Variants in DDX10 observed in about 807,000 individuals in gnomAD.
DDX10 encodes the protein DEAD-box helicase 10.
In DDX10, 74 loss-of-function variants were observed where a neutral mutation model predicts 104.3. The observed-to-expected ratio is 0.71, with a 90% CI of 0.59 to 0.86. The LOEUF is 0.86. Among genes scored for constraint, DDX10 ranks in the 40% least tolerant of loss-of-function variants. The probability of loss-of-function intolerance (pLI) is 0.00; values close to 1 mark genes in which losing one functional copy is unlikely to be tolerated. For missense variants in DDX10, 952 were observed against 1,040.0 expected (o/e 0.92, Z 1.16); for synonymous variants, 351 against 353.4 (o/e 0.99, Z 0.08).
intron 13 of DDX10, among the ~76,000 whole-genome samples, chr11:108,801,354 C>T (rs1862018094): frequency 6.6e-6 from 1 of 152,162 alleles, no homozygotes. Flanking sequence ...TTCTCCCCTC[C>T]TTAATGCTTG....
intron 10 of DDX10, among the ~76,000 whole-genome samples, chr11:108,710,203 A>G (rs2094282255): frequency 6.6e-6 from 1 of 152,140 alleles, no homozygotes; most frequent in Admixed American, 6.5e-5. Context: ...GAATGTGAAG[A>G]GTTAGCACAT....
intron 16 of DDX10, among the ~76,000 whole-genome samples, chr11:108,882,710 G>A (rs1214792235): frequency 6.6e-6 from 1 of 152,144 alleles, no homozygotes; most frequent in Non-Finnish European, 1.5e-5. Context: ...TCTTGTCTGT[G>A]TTAACTTTTG....
intron 10 of DDX10, among the ~76,000 whole-genome samples, chr11:108,710,723 T>C (rs1294043141): frequency 6.6e-6 from 1 of 152,208 alleles, no homozygotes. Flanking sequence ...TTATGTACCA[T>C]ACCTAACTGT....
At chr11:108,934,464 G>A (rs11821174) in intron 17 of DDX10, among the ~76,000 whole-genome samples, 2,912 of 152,262 alleles carry the variant, frequency 0.019, 99 homozygotes, top group African/African-American at 0.067. Flanking sequence ...TTAGCATTGT[G>A]GAAGATTGTG....
chr11:108,861,572 A>C (rs991002236), intron 16 of DDX10, among the ~76,000 whole-genome samples: 1 of 152,252 alleles, frequency 6.6e-6, no homozygotes, highest in Non-Finnish European at 1.5e-5. Context: ...CTCTATTTAC[A>C]TAAAGGTTTT....
chr11:108,937,968 A>G (rs1864057266), intron 17 of DDX10, among the ~76,000 whole-genome samples: 2 of 152,220 alleles, frequency 1.3e-5, no homozygotes, highest in Admixed American at 1.3e-4. Flanking sequence ...AAGTGCTGAC[A>G]CGAAGATAAA....
At chr11:108,878,250 G>T (rs1863178616) in intron 16 of DDX10, among the ~76,000 whole-genome samples, 1 of 152,162 alleles carries the variant, frequency 6.6e-6, no homozygotes, top group Admixed American at 6.5e-5. Context: ...GTTTGTTCAT[G>T]TGTTTCTCCC....
At chr11:108,871,203 C>A (rs936389727) in intron 16 of DDX10, among the ~76,000 whole-genome samples, 2 of 152,046 alleles carry the variant, frequency 1.3e-5, no homozygotes, top group African/African-American at 4.8e-5. Context: ...TTTCCATTAT[C>A]ACTTAGGCTG....
intron 16 of DDX10, among the ~76,000 whole-genome samples, chr11:108,860,132 A>G (rs1003031516): frequency 1.3e-5 from 2 of 152,188 alleles, no homozygotes; most frequent in African/African-American, 2.4e-5. Context: ...TTCTCAGCCT[A>G]TGGTACAAGA....
At position 108,706,745 on chromosome 11, in the gene DDX10, A is replaced by G; in HGVS notation, c.1230A>G (p.Lys410=). The change falls in exon 10 of 18, where the codon AAA becomes AAG. Residue 410 remains lysine (K), a synonymous_variant. Coordinates refer to ENST00000322536, the MANE Select transcript of DDX10 (RefSeq NM_004398.4). ...IHRAGRTARY[K]EDGEALLILL... ...TTTGTTTCTTTTTGTTTAGGTACAA[A>G]GAGGATGGTGAAGCTTTGCTAATTT... 2.5e-6 allele frequency: 4 copies of G among 1,613,644 alleles called. No individual in the cohort carries two copies. The highest frequency in any genetic ancestry group is 3.4e-6 in the Non-Finnish European group (4 of 1,179,578).
At chr11:108,728,052 A>G in intron 13 of DDX10, among the ~76,000 whole-genome samples, 1 of 152,130 alleles carries the variant, frequency 6.6e-6, no homozygotes, top group Non-Finnish European at 1.5e-5. Flanking sequence ...GAAAAAAGAA[A>G]AAAAAAACCC....
At chr11:108,799,604 A>G (rs1220004670) in intron 13 of DDX10, among the ~76,000 whole-genome samples, 1 of 152,218 alleles carries the variant, frequency 6.6e-6, no homozygotes, top group Non-Finnish European at 1.5e-5. Flanking sequence ...TGGTTGCTTT[A>G]GGGCATTAAG....
In DDX10 at chr11:108,719,829, G is replaced by C; in HGVS notation, c.1443G>C (p.Leu481=). 1.9e-6 allele frequency: 3 copies of C among 1,607,014 alleles called. No individual in the cohort carries two copies. The highest frequency in any genetic ancestry group is 2.6e-6 in the Non-Finnish European group (3 of 1,173,702). Residue 481 remains leucine, a synonymous_variant, in exon 12 of 18, where the codon CTG becomes CTC. Transcript: ENST00000322536. ...CFVSYVRSVY[L]MKDKEVFDVS... ...TCTCCTATGTACGATCTGTATATCTGATGAAGGATAAAGAAGTATTTGATG... is the reference window on the plus strand; with the variant it reads ...TCTCCTATGTACGATCTGTATATCTCATGAAGGATAAAGAAGTATTTGATG...
At chr11:108,750,926 CTTTTTTTTTTTTTTT>C (rs10582729) in intron 13 of DDX10, among the ~76,000 whole-genome samples, 14 of 24,262 alleles carry the variant, frequency 5.8e-4, no homozygotes, top group South Asian at 3.9e-3. Context: ...CACCTGGTTA[CTTTTTTTTTTTTTTT>C]TTTTTTTTTT....
intron 9 of DDX10, among the ~76,000 whole-genome samples, chr11:108,696,162 A>G (rs1408146322): frequency 6.6e-6 from 1 of 151,602 alleles, no homozygotes; most frequent in East Asian, 1.9e-4. Flanking sequence ...TATTGAGTAC[A>G]TGGTTTTTGT....
At chr11:108,755,605 C>T (rs1198666648) in intron 13 of DDX10, among the ~76,000 whole-genome samples, 1 of 151,902 alleles carries the variant, frequency 6.6e-6, no homozygotes, top group Non-Finnish European at 1.5e-5. Context: ...GGCTTTTGAG[C>T]TTGCAGATAT....
intron 2 of DDX10, 145 bp from the exon 3 acceptor site, chr11:108,675,451 G>A: frequency 1.2e-6 from 1 of 812,336 alleles, no homozygotes; most frequent in Non-Finnish European, 1.9e-6. Context: ...CCTCTTTAAA[G>A]GCCCTGTCTC....
At chr11:108,688,348 C>T (rs995845634) in intron 6 of DDX10, among the ~76,000 whole-genome samples, 2 of 152,146 alleles carry the variant, frequency 1.3e-5, no homozygotes, top group Non-Finnish European at 2.9e-5. Context: ...TACCAAACAC[C>T]TAGATACTAT....
intron 17 of DDX10, among the ~76,000 whole-genome samples, chr11:108,933,414 T>C (rs1354833047): frequency 6.6e-6 from 1 of 152,142 alleles, no homozygotes; most frequent in Non-Finnish European, 1.5e-5. Flanking sequence ...TCGAGTTTGG[T>C]CAAAAGAGAG....
Sources: allele counts gnomAD v4.1 joint callset (sites outside exome capture counted in the v4.1 genomes callset), GRCh38; gene constraint gnomAD v4.1.1; transcripts MANE v1.5; gene names NCBI Gene and HGNC (gene_info 2026-07-23, HGNC 2026-07-21).